IRGM: variants seen among roughly 807,000 people sequenced by gnomAD.
IRGM encodes immunity related GTPase M.
For synonymous variants in IRGM, 98 were observed against 80.6 expected, an observed-to-expected ratio of 1.22 and a Z score of -1.16; for missense variants, 288 against 219.9, an observed-to-expected ratio of 1.31 and a Z score of -1.96.
At chr5:150,881,208 G>T (rs1048561492) in intron 3 of IRGM, among the ~76,000 whole-genome samples, 2 of 151,132 alleles carry the variant, frequency 1.3e-5, no homozygotes, top group Non-Finnish European at 1.5e-5. Flanking sequence ...ATTCAAACAA[G>T]ATGACACCAA....
At chr5:150,848,748 C>T (rs1231285208), downstream of IRGM, 2 of 1,001,040 alleles carry the variant, frequency 2.0e-6, no homozygotes, top group South Asian at 3.4e-5. Flanking sequence ...CATTGAAACA[C>T]ACCTGGTGCA....
intron 3 of IRGM, among the ~76,000 whole-genome samples, chr5:150,882,364 TCTTA>T (rs1427098202): frequency 6.6e-6 from 1 of 152,168 alleles, no homozygotes; most frequent in South Asian, 2.1e-4. Flanking sequence ...AGTACTAACT[TCTTA>T]CTTATCAATA....
intron 1 of IRGM, among the ~76,000 whole-genome samples, chr5:150,854,898 T>C (rs1694134666): frequency 6.6e-6 from 1 of 152,202 alleles, no homozygotes; most frequent in African/African-American, 2.4e-5. Context: ...TTTCTTCTCT[T>C]TCTCAAAGTC....
In IRGM at chr5:150,897,145, C is replaced by A. The variant is rs1326992658; in HGVS notation, c.*141-3444C>A. 8 of 472,232 alleles carry A rather than the reference C, an allele frequency of 1.7e-5. No homozygotes were observed. The East Asian group carries it at 2.2e-4, about 13-fold the overall frequency. The allele number at this position is 472,232 out of a possible 1,614,324, so 29.3% of individuals were successfully genotyped here. On this transcript the variant is annotated intron_variant and NMD_transcript_variant, in intron 3 of 3. Coordinates refer to the IRGM transcript ENST00000520549. ...TAGTGTTATCAGGTGAATAGACAGA[C>A]AAGAATGTTAAACAGAAATATTCAT...
intron 3 of IRGM, chr5:150,897,819 G>A (rs1754847821): frequency 4.7e-6 from 2 of 422,804 alleles, no homozygotes; most frequent in Non-Finnish European, 8.3e-6. Flanking sequence ...TTCTTGAAAG[G>A]AATTTGCCTT....
intron 1 of IRGM, among the ~76,000 whole-genome samples, chr5:150,868,261 T>G (rs905926439): frequency 6.6e-6 from 1 of 152,200 alleles, no homozygotes. Context: ...TTGTTTGCTT[T>G]GTTGAAGATC....
At chr5:150,866,308 G>T (rs1353211542) in intron 1 of IRGM, among the ~76,000 whole-genome samples, 2 of 152,204 alleles carry the variant, frequency 1.3e-5, no homozygotes, top group Non-Finnish European at 2.9e-5. Flanking sequence ...TAGCTCACCT[G>T]AGGGTGTGGG....
chr5:150,886,412 A>G lies in IRGM; in HGVS notation c.*140+6766A>G, dbSNP rs117228634. On this transcript the variant is annotated intron_variant and NMD_transcript_variant, in intron 3 of 3. Transcript: ENST00000520549. ...TTGGTATCAGAATTATGCTGTTTTT[A>G]TAGAATGAATTGGGGAGGAGTCCCT... 2.2e-4 allele frequency among the ~76,000 whole-genome samples: 33 copies of G among 152,034 alleles called. 1 individual carries two copies. The East Asian group carries it at 6.2e-3, about 29-fold the overall frequency.
In IRGM at chr5:150,848,349, GCCT is replaced by G. The variant is rs1393929276; in HGVS notation, c.230_232del (p.Ser77del). The G allele has an allele frequency of 6.4e-7, 1 of 1,551,806 alleles. No homozygotes were observed. The highest frequency in any genetic ancestry group is 1.2e-5 in the South Asian group (1 of 84,062). On this transcript the variant is annotated inframe_deletion, in exon 2 of 2. Coordinates refer to ENST00000522154, the MANE Select transcript of IRGM (RefSeq NM_001145805.2). ...GCTGGTAAAAGCTACCCAAAGATGT[GCCT>G]CCTATTTCTCTTCCCACTTTTCAAA...
At chr5:150,871,886 T>C (rs1754287636) in intron 1 of IRGM, among the ~76,000 whole-genome samples, 1 of 152,222 alleles carries the variant, frequency 6.6e-6, no homozygotes, top group Non-Finnish European at 1.5e-5. Context: ...TGCCCGGAGC[T>C]CATTGATCCA....
chr5:150,882,443 T>C (rs1354998574), intron 3 of IRGM, among the ~76,000 whole-genome samples: 1 of 152,136 alleles, frequency 6.6e-6, no homozygotes, highest in Non-Finnish European at 1.5e-5. Flanking sequence ...ATGATTTTTT[T>C]AAGTGACCCA....
chr5:150,868,328 T>C (rs546914800), intron 1 of IRGM, among the ~76,000 whole-genome samples: 16 of 152,346 alleles, frequency 1.1e-4, no homozygotes, highest in Admixed American at 2.6e-4. Flanking sequence ...TTCATTGGTC[T>C]ATGTGCCTAT....
intron 3 of IRGM, among the ~76,000 whole-genome samples, chr5:150,883,264 C>T (rs1325638932): frequency 1.3e-5 from 2 of 151,640 alleles, no homozygotes; most frequent in Non-Finnish European, 2.9e-5. Context: ...AAAAGCAGTT[C>T]TAAAAGAAAA....
chr5:150,852,567 C>T (rs1163227891), downstream of IRGM, among the ~76,000 whole-genome samples: 1 of 152,054 alleles, frequency 6.6e-6, no homozygotes, highest in Non-Finnish European at 1.5e-5. Flanking sequence ...CACACATTCT[C>T]ATTAAGAGCA....
intron 1 of IRGM, among the ~76,000 whole-genome samples, chr5:150,857,821 C>A (rs555928923): frequency 2.6e-5 from 4 of 152,052 alleles, no homozygotes; most frequent in African/African-American, 9.7e-5. Context: ...GATTCTGGAT[C>A]TTAGCCCTTT....
intron 3 of IRGM, among the ~76,000 whole-genome samples, chr5:150,892,327 G>C (rs1481967872): frequency 1.3e-5 from 2 of 151,948 alleles, no homozygotes; most frequent in Non-Finnish European, 2.9e-5. Context: ...AATTACAGAA[G>C]GGAAAGGGAG....
Position 150,896,689 on chromosome 5 carries a change from A to C in IRGM, c.*141-3900A>C, listed in dbSNP as rs767809943. 4 of 1,613,520 alleles carry C rather than the reference A, an allele frequency of 2.5e-6. No individual in the cohort carries two copies. The highest frequency in any genetic ancestry group is 2.5e-6 in the Non-Finnish European group (3 of 1,179,740). Reference sequence around the variant, plus strand: ...TTTTTAAAAGCATCATATTTATGGAATCTCTGTATTGATATATCTGTTTCT... The same window carrying C: ...TTTTTAAAAGCATCATATTTATGGACTCTCTGTATTGATATATCTGTTTCT... On this transcript the variant is annotated intron_variant and NMD_transcript_variant, in intron 3 of 3. Coordinates refer to the IRGM transcript ENST00000520549.
At chr5:150,856,134 A>ATC (rs1427198531) in intron 1 of IRGM, among the ~76,000 whole-genome samples, 6 of 152,186 alleles carry the variant, frequency 3.9e-5, no homozygotes, top group Non-Finnish European at 8.8e-5. Context: ...TGTGATTTAA[A>ATC]AAATAAAATG....
chr5:150,898,423 C>T (rs762894991), intron 3 of IRGM: 1 of 1,613,396 alleles, frequency 6.2e-7, no homozygotes, highest in Non-Finnish European at 8.5e-7. Flanking sequence ...GGAAGCCATC[C>T]TTACCCATTG....
Sources: gnomAD v4.1 joint callset for allele counts (sites outside exome capture counted in the v4.1 genomes callset) on GRCh38, gnomAD v4.1.1 for gene constraint, MANE v1.5 for transcripts, NCBI Gene and HGNC (gene_info 2026-07-23, HGNC 2026-07-21) for gene names.